SBK1: variants seen among roughly 807,000 people sequenced by gnomAD.
The protein encoded by SBK1 is SH3 domain binding kinase 1.
In SBK1, 11 loss-of-function variants were observed where a neutral mutation model predicts 24.4. That is an observed-to-expected ratio of 0.45 (90% CI 0.28 to 0.75). SBK1 has a LOEUF of 0.75. SBK1 is among the 30% of genes least tolerant of loss of function. The pLI, the probability that SBK1 is intolerant of heterozygous loss-of-function variation, is 0.12. For synonymous variants in SBK1, 308 were observed against 284.4 expected (o/e 1.08, Z -0.83); for missense variants, 467 against 620.5 (o/e 0.75, Z 2.63).
At chr16:28,297,271 C>T (rs1008393570) in intron 1 of SBK1, among the ~76,000 whole-genome samples, 1 of 152,140 alleles carries the variant, frequency 6.6e-6, no homozygotes, top group South Asian at 2.1e-4. Context: ...ACAGAGGTTG[C>T]AGTGAGCCGA....
chr16:28,285,845 C>T (rs1341435925), intron 1 of SBK1: 1 of 152,218 alleles, frequency 6.6e-6, no homozygotes, highest in Non-Finnish European at 1.5e-5. Flanking sequence ...ACACTTTCAG[C>T]TGCAAAAAAG....
rs769357637 is a variant in SBK1, at chr16:28,317,473, G to T, written c.82G>T (p.Gly28Cys). 3 of 1,614,106 alleles carry T rather than the reference G, an allele frequency of 1.9e-6. No homozygotes were observed. The highest frequency in any genetic ancestry group is 1.3e-5 in the African/African-American group (1 of 75,022). ...GPGTAPGPGA[G>C]VPLLTEDMQA... is the part of the protein sequence containing the mutation. ...GGGGACTGCCCCTGGGCCTGGTGCC[G>T]GTGTGCCCCTTCTCACTGAAGACAT... The change falls in exon 2 of 4, where the codon GGT becomes TGT. Residue 28 changes from glycine to cysteine, a missense_variant. Physicochemically the swap from Gly to Cys is radical, Grantham distance 159. Coordinates refer to ENST00000341901, the MANE Select transcript of SBK1 (RefSeq NM_001024401.3). The surrounding 1 kb of genome is among the most constrained non-coding windows in gnomAD (Gnocchi z 4.2).
Position 28,314,889 on chromosome 16 carries a change from GA to G in SBK1, c.-7-2494del, listed in dbSNP as rs371684861. On this transcript the variant is annotated intron_variant, in intron 1 of 3. Transcript: ENST00000341901. ...AGCTACTTGGGAGGCTGAGGTGGGA[GA>G]ATTGTTTGAACCCAAGAGGCGGAGG... 4.8e-3 allele frequency among the ~76,000 whole-genome samples: 724 copies of G among 152,250 alleles called. 6 individuals are homozygous for G. Among genetic ancestry groups the G allele is most frequent in the African/African-American group, 0.017 (695 of 41,534 alleles).
At chr16:28,288,074 A>G (rs998819843), upstream of SBK1, among the ~76,000 whole-genome samples, 3 of 152,146 alleles carry the variant, frequency 2.0e-5, no homozygotes, top group Non-Finnish European at 4.4e-5. Flanking sequence ...AGCTGGGAAG[A>G]TCATCAGACT....
intron 1 of SBK1, among the ~76,000 whole-genome samples, chr16:28,304,933 G>A (rs1003366426): frequency 4.0e-5 from 6 of 151,648 alleles, no homozygotes; most frequent in African/African-American, 1.2e-4. Flanking sequence ...TTCTTGAGAC[G>A]GTGTCTCACT....
intron 1 of SBK1, among the ~76,000 whole-genome samples, chr16:28,304,722 C>G (rs867555404): frequency 6.6e-6 from 1 of 152,042 alleles, no homozygotes; most frequent in Non-Finnish European, 1.5e-5. Flanking sequence ...ATTCTCCTGC[C>G]TCAGCCTCCC....
chr16:28,285,671 TC>T (rs1362997602), intron 1 of SBK1: 2 of 152,244 alleles, frequency 1.3e-5, no homozygotes, highest in Admixed American at 1.3e-4. Context: ...TTAGGGCTAT[TC>T]TTCTCATCAC....
chr16:28,262,324 T>C (rs2044402830), intron 1 of SBK1, among the ~76,000 whole-genome samples: 1 of 152,226 alleles, frequency 6.6e-6, no homozygotes, highest in African/African-American at 2.4e-5. Context: ...TTAGCAGCCC[T>C]GGGCAGGCTA....
chr16:28,260,069 T>C (rs929973539), intron 1 of SBK1, among the ~76,000 whole-genome samples: 1 of 137,856 alleles, frequency 7.3e-6, no homozygotes, highest in Non-Finnish European at 1.6e-5. Flanking sequence ...CGAAAATGCA[T>C]GCATGTGTAT....
At position 28,320,999 on chromosome 16, in the gene SBK1, G is replaced by T. The variant is rs1399891588; in HGVS notation, c.*78G>T. ...GTGCCCGGTGCGGCGGTAGGGAATG[G>T]AGCCACCTCGCCGCGGGGCAGGGGG... On this transcript the variant is annotated 3_prime_UTR_variant, in exon 4 of 4. Transcript: ENST00000341901. The surrounding 1 kb of genome is among the most constrained non-coding windows in gnomAD (Gnocchi z 8.5). The T allele has an allele frequency of 8.0e-7, 1 of 1,248,250 alleles. No individual in the cohort carries two copies. Among genetic ancestry groups the T allele is most frequent in the African/African-American group, 1.6e-5 (1 of 61,348 alleles). The allele number at this position is 1,248,250 out of a possible 1,614,324, so 77.3% of individuals were successfully genotyped here. A position where few individuals can be genotyped will look rare whatever the true frequency, so the allele number is the denominator to read the frequency against.
intron 1 of SBK1, among the ~76,000 whole-genome samples, chr16:28,312,076 C>T (rs1204126402): frequency 1.3e-5 from 2 of 152,246 alleles, no homozygotes; most frequent in Admixed American, 6.5e-5. Context: ...GTGGACCGCC[C>T]ACCTCAGCAG....
At chr16:28,312,421 A>C (rs2141587664) in intron 1 of SBK1, among the ~76,000 whole-genome samples, 1 of 152,298 alleles carries the variant, frequency 6.6e-6, no homozygotes, top group South Asian at 2.1e-4. Flanking sequence ...GATCACGCGG[A>C]GATGTCGCCC....
chr16:28,275,235 C>T (rs2044488772), intron 1 of SBK1, among the ~76,000 whole-genome samples: 1 of 151,852 alleles, frequency 6.6e-6, no homozygotes, highest in Non-Finnish European at 1.5e-5. Flanking sequence ...GAGGCTGAGG[C>T]GGGAGGATTG....
intron 1 of SBK1, among the ~76,000 whole-genome samples, chr16:28,260,614 C>T (rs2044391883): frequency 6.6e-6 from 1 of 152,192 alleles, no homozygotes; most frequent in Non-Finnish European, 1.5e-5. Flanking sequence ...ACAGTTCCCG[C>T]TCCGTGGGCC....
chr16:28,309,342 T>A (rs1205991776), intron 1 of SBK1, among the ~76,000 whole-genome samples: 2 of 152,198 alleles, frequency 1.3e-5, no homozygotes, highest in Non-Finnish European at 2.9e-5. Context: ...CGTGGTTCCC[T>A]GCTGGATGGC....
chr16:28,275,273 C>T (rs183282021), intron 1 of SBK1, among the ~76,000 whole-genome samples: 28 of 152,150 alleles, frequency 1.8e-4, no homozygotes, highest in African/African-American at 6.7e-4. Context: ...CACACCAATG[C>T]ACACCAGCCT....
At chr16:28,310,736 G>C (rs779128475) in intron 1 of SBK1, among the ~76,000 whole-genome samples, 7 of 152,180 alleles carry the variant, frequency 4.6e-5, no homozygotes, top group Non-Finnish European at 7.3e-5. Flanking sequence ...AGGATTAAGT[G>C]CATTAGTCCT....
In SBK1 at chr16:28,278,209, C is replaced by T. The variant is rs545058087; in HGVS notation, c.257+18707C>T. On this transcript the variant is annotated intron_variant, in intron 1 of 3. Coordinates refer to the SBK1 transcript ENST00000671413. ...CCTGCAGCTCCTCCGCCCAGCCCTC[C>T]CCAGGCCACATCCGGTCCCGGGAGA... Among the ~76,000 whole-genome samples, 42 of 152,372 alleles carry T rather than the reference C, an allele frequency of 2.8e-4. No individual in the cohort carries two copies. In the South Asian group the frequency reaches 7.0e-3, roughly 26 times the overall value.
intron 1 of SBK1, among the ~76,000 whole-genome samples, chr16:28,270,100 C>T (rs916439265): frequency 1.3e-5 from 2 of 152,150 alleles, no homozygotes; most frequent in South Asian, 2.1e-4. Flanking sequence ...CAGTCTTGTG[C>T]TCTGTCGCCA....
Sources: gnomAD v4.1 joint callset for allele counts (sites outside exome capture counted in the v4.1 genomes callset) on GRCh38, gnomAD v4.1.1 for gene constraint, Gnocchi (gnomAD v3.1) non-coding constraint, MANE v1.5 for transcripts, NCBI Gene and HGNC (gene_info 2026-07-23, HGNC 2026-07-21) for gene names.